Variants in BTAF1 observed in about 807,000 individuals in gnomAD.
BTAF1 encodes TATA-binding protein-associated factor 172.
Under a neutral mutation model 227.1 loss-of-function variants are expected in BTAF1, and 38 were observed. That is an observed-to-expected ratio of 0.17 (90% CI 0.13 to 0.22). The LOEUF is 0.22. Among genes scored for constraint, BTAF1 ranks in the 10% least tolerant of loss-of-function variants. The pLI is 1.00. For missense variants in BTAF1, 1,598 were observed against 2,204.0 expected, an observed-to-expected ratio of 0.73 and a Z score of 5.51; for synonymous variants, 742 against 751.9, an observed-to-expected ratio of 0.99 and a Z score of 0.21.
intron 25 of BTAF1, among the ~76,000 whole-genome samples, chr10:92,007,437 G>A (rs1849999968): frequency 6.6e-6 from 1 of 151,866 alleles, no homozygotes; most frequent in Non-Finnish European, 1.5e-5. Flanking sequence ...GGCTGGTCTT[G>A]AACTCCTGAC....
In BTAF1 at chr10:92,010,973, C is replaced by A. The variant is rs187232561; in HGVS notation, c.4104-100C>A. 4.7e-6 allele frequency: 4 copies of A among 842,122 alleles called. No homozygotes were observed. In the African/African-American group the frequency reaches 5.2e-5, roughly 11 times the overall value. The allele number at this position is 842,122 out of a possible 1,614,324, so 52.2% of individuals were successfully genotyped here. A position where few individuals can be genotyped will look rare whatever the true frequency, so the allele number is the denominator to read the frequency against. On this transcript the variant is annotated intron_variant, in intron 28 of 37. Transcript: ENST00000265990. The stretch of plus-strand genomic sequence containing the variant: ...TATGTAGAGTAAGCAGAAGGGAATG[C>A]TGGGCTTAGTGGGCAGATTGAAAGC...
In BTAF1 at chr10:92,029,349, T is replaced by C. The variant is rs1851741950; in HGVS notation, c.*416T>C. 6.5e-6 allele frequency: 1 copy of C among 152,836 alleles called. No individual in the cohort carries two copies. Among genetic ancestry groups the C allele is most frequent in the Non-Finnish European group, 1.5e-5 (1 of 68,200 alleles). The allele number at this position is 152,836 out of a possible 1,614,324, so 9.5% of individuals were successfully genotyped here. The stretch of plus-strand genomic sequence containing the variant: ...AATTGATTTAAAATAGGGCTTTTTT[T>C]CTATAAAAGCCTTAATGAGCCATAA... On this transcript the variant is annotated 3_prime_UTR_variant, in exon 38 of 38. Coordinates refer to ENST00000265990, the MANE Select transcript of BTAF1 (RefSeq NM_003972.3).
At chr10:91,992,697 A>G (rs1848879825) in intron 21 of BTAF1, among the ~76,000 whole-genome samples, 1 of 152,196 alleles carries the variant, frequency 6.6e-6, no homozygotes. Flanking sequence ...AGTGTGAGGT[A>G]GGGTTCTAAA....
At chr10:91,996,998 T>C in intron 24 of BTAF1, 2 of 693,342 alleles carry the variant, frequency 2.9e-6, no homozygotes, top group Non-Finnish European at 4.4e-6. Context: ...CATATTATAC[T>C]AGATAATTAG....
intron 25 of BTAF1, among the ~76,000 whole-genome samples, chr10:92,000,003 G>T (rs2134065210): frequency 6.6e-6 from 1 of 152,242 alleles, no homozygotes; most frequent in Non-Finnish European, 1.5e-5. Flanking sequence ...TAGGGTGACT[G>T]CAGGGGTATT....
intron 14 of BTAF1, among the ~76,000 whole-genome samples, chr10:91,972,795 A>G (rs1261338326): frequency 6.6e-6 from 1 of 152,150 alleles, no homozygotes; most frequent in African/African-American, 2.4e-5. Context: ...TGGTGGCAAA[A>G]CCTGACCATT....
chr10:92,016,209 G>A (rs1850711242), intron 32 of BTAF1, 131 bp from the exon 33 acceptor site: 1 of 1,032,844 alleles, frequency 9.7e-7, no homozygotes, highest in Non-Finnish European at 1.4e-6. Context: ...GTGAATTAGA[G>A]ATATCACAAT....
chr10:92,009,263 A>G, intron 28 of BTAF1, 55 bp downstream of exon 28: 1 of 1,543,594 alleles, frequency 6.5e-7, no homozygotes, highest in Non-Finnish European at 8.9e-7. Context: ...AATTAAGATA[A>G]GGAACAGTAA....
intron 4 of BTAF1, 27 bp from the exon 5 acceptor site, chr10:91,951,376 G>T: frequency 6.3e-7 from 1 of 1,595,970 alleles, no homozygotes; most frequent in Non-Finnish European, 8.5e-7. Flanking sequence ...CTGATTTGGA[G>T]AAAACGTATT....
Position 92,028,913 on chromosome 10 carries a change from T to A in BTAF1, c.5530T>A (p.Phe1844Ile). Reference protein sequence around the residue: ...QYDSEYSLENFMHSLK With the variant: ...QYDSEYSLENIMHSLK Reference sequence around the variant, plus strand: ...TGATTCAGAGTACAGCCTGGAAAATTTTATGCATTCTCTCAAGTAACTATC... The same window carrying A: ...TGATTCAGAGTACAGCCTGGAAAATATTATGCATTCTCTCAAGTAACTATC... Residue 1844 changes from phenylalanine (F) to isoleucine (I), a missense_variant, in exon 38 of 38, where the codon TTT becomes ATT. Phe to Ile is a conservative substitution (Grantham distance 21). Around this residue, in one of 10 missense-constraint regions of BTAF1, gnomAD observed 79 missense variants for 97.9 expected, o/e 0.81. Transcript: ENST00000265990. 1 of 1,587,568 alleles carries A rather than the reference T, an allele frequency of 6.3e-7. No homozygotes were observed. The highest frequency in any genetic ancestry group is 8.5e-7 in the Non-Finnish European group (1 of 1,170,286).
chr10:91,929,874 A>G (rs923512801), intron 1 of BTAF1, among the ~76,000 whole-genome samples: 2 of 152,116 alleles, frequency 1.3e-5, no homozygotes, highest in African/African-American at 4.8e-5. Flanking sequence ...ATTTCAATCC[A>G]TTATAAGATG....
intron 20 of BTAF1, among the ~76,000 whole-genome samples, chr10:91,991,271 A>AAAT (rs1564699928): frequency 4.5e-5 from 3 of 66,220 alleles, no homozygotes; most frequent in Non-Finnish European, 1.1e-4. Context: ...TATAAATATA[A>AAAT]ATATATATAT....
At chr10:91,994,221 A>C (rs1589909325) in intron 22 of BTAF1, among the ~76,000 whole-genome samples, 1 of 151,044 alleles carries the variant, frequency 6.6e-6, no homozygotes, top group Non-Finnish European at 1.5e-5. Flanking sequence ...GATTGCTTGA[A>C]CCCTGGGGGT....
Position 92,008,264 on chromosome 10 carries a change from A to G in BTAF1, c.3802A>G (p.Lys1268Glu). 1 of 1,575,368 alleles carries G rather than the reference A, an allele frequency of 6.3e-7. No individual in the cohort carries two copies. Among genetic ancestry groups the G allele is most frequent in the Admixed American group, 2.2e-5 (1 of 46,480 alleles). Residue 1268 changes from lysine to glutamate, a missense_variant, in exon 26 of 38, where the codon AAA (lysine) becomes GAA (glutamate). Coordinates refer to ENST00000265990, the MANE Select transcript of BTAF1 (RefSeq NM_003972.3). ...AGTACCAATCAATGCTGAACTCAGA[A>G]AATATCAGCAGGTAAGTTTTATACA... ...IPVPINAELR[K>E]YQQDGVNWLA...
intron 14 of BTAF1, among the ~76,000 whole-genome samples, chr10:91,974,568 A>G (rs981027950): frequency 6.6e-6 from 1 of 152,180 alleles, no homozygotes; most frequent in African/African-American, 2.4e-5. Context: ...AAGAAAAACC[A>G]TGGCCAGGCA....
intron 34 of BTAF1, among the ~76,000 whole-genome samples, chr10:92,019,738 A>G (rs909288312): frequency 4.6e-5 from 7 of 152,162 alleles, no homozygotes; most frequent in Admixed American, 2.6e-4. Context: ...TTGATTTGCT[A>G]TTCCCTAATG....
chr10:91,980,423 C>T (rs759113082), intron 14 of BTAF1, 31 bp from the exon 15 acceptor site: 102 of 1,488,746 alleles, frequency 6.9e-5, no homozygotes, highest in Middle Eastern at 3.4e-4. Flanking sequence ...GAATTATATG[C>T]TACAGCTTTT....
chr10:91,987,484 A>G (rs1458865718), intron 19 of BTAF1, among the ~76,000 whole-genome samples: 1 of 149,912 alleles, frequency 6.7e-6, no homozygotes. Context: ...CTTGGTCTCA[A>G]AAAAAAAAAG....
intron 4 of BTAF1, among the ~76,000 whole-genome samples, chr10:91,946,576 T>A (rs1272434562): frequency 6.6e-6 from 1 of 152,198 alleles, no homozygotes; most frequent in Non-Finnish European, 1.5e-5. Flanking sequence ...ACTTATTATC[T>A]GATGTTTTGA....
Sources: allele counts gnomAD v4.1 joint callset (sites outside exome capture counted in the v4.1 genomes callset), GRCh38; gene constraint gnomAD v4.1.1; regional missense constraint gnomAD v4.1.1; transcripts MANE v1.5; gene names NCBI Gene and HGNC (gene_info 2026-07-23, HGNC 2026-07-21).